The following CLSTN2 variants were observed in gnomAD, a reference collection of about 807,000 sequenced individuals.
CLSTN2 encodes the protein calsyntenin-2.
Under a neutral mutation model 101.2 loss-of-function variants are expected in CLSTN2, and 48 were observed. That is an observed-to-expected ratio of 0.47 (90% CI 0.38 to 0.60). CLSTN2 has a LOEUF of 0.60. Among genes scored for constraint, CLSTN2 ranks in the 20% least tolerant of loss-of-function variants. The pLI, the probability that CLSTN2 is intolerant of heterozygous loss-of-function variation, is 0.00. For synonymous variants in CLSTN2, 481 were observed against 463.6 expected (o/e 1.04, Z -0.48); for missense variants, 1,160 against 1,238.2 (o/e 0.94, Z 0.95).
intron 2 of CLSTN2, among the ~76,000 whole-genome samples, chr3:140,230,511 G>T (rs2086361264): frequency 1.3e-5 from 2 of 152,138 alleles, no homozygotes; most frequent in African/African-American, 4.8e-5. Context: ...GAGGTAATTA[G>T]GCCATAAGGG....
chr3:139,960,423 C>T (rs1935488093), intron 1 of CLSTN2, among the ~76,000 whole-genome samples: 1 of 152,292 alleles, frequency 6.6e-6, no homozygotes, highest in Non-Finnish European at 1.5e-5. Flanking sequence ...GTGAACTTAT[C>T]AGTCCTTAAT....
At chr3:140,537,620 A>T (rs1300952886) in intron 9 of CLSTN2, among the ~76,000 whole-genome samples, 3 of 152,192 alleles carry the variant, frequency 2.0e-5, no homozygotes, top group Admixed American at 1.3e-4. Context: ...GGCTGAGCTC[A>T]CCCAGTGCTG....
chr3:140,440,156 G>A (rs1368670564), intron 5 of CLSTN2, among the ~76,000 whole-genome samples: 5 of 152,164 alleles, frequency 3.3e-5, no homozygotes, highest in Admixed American at 2.0e-4. Context: ...CACCTGTGAG[G>A]TGGGACCTGG....
At chr3:140,131,070 A>G (rs2009515490) in intron 1 of CLSTN2, among the ~76,000 whole-genome samples, 1 of 152,106 alleles carries the variant, frequency 6.6e-6, no homozygotes. Flanking sequence ...GCCTTCAGAA[A>G]TGAAGAACTT....
chr3:140,416,023 C>A (rs990043883), intron 4 of CLSTN2, among the ~76,000 whole-genome samples: 1 of 152,162 alleles, frequency 6.6e-6, no homozygotes, highest in East Asian at 1.9e-4. Flanking sequence ...TATTACTCAG[C>A]GTTAAAAAAG....
intron 2 of CLSTN2, among the ~76,000 whole-genome samples, chr3:140,198,581 G>T (rs759044013): frequency 6.6e-6 from 1 of 152,206 alleles, no homozygotes; most frequent in Non-Finnish European, 1.5e-5. Flanking sequence ...GCTCCTAAAA[G>T]GTTTTGGAAA....
At chr3:140,417,778 T>G (rs892241077) in intron 4 of CLSTN2, among the ~76,000 whole-genome samples, 2 of 152,174 alleles carry the variant, frequency 1.3e-5, no homozygotes, top group Admixed American at 1.3e-4. Flanking sequence ...TTCAAAAAAT[T>G]TTAAATGTGT....
At chr3:140,345,048 G>A (rs972616748) in intron 2 of CLSTN2, among the ~76,000 whole-genome samples, 2 of 152,094 alleles carry the variant, frequency 1.3e-5, no homozygotes, top group African/African-American at 2.4e-5. Flanking sequence ...AGGGCATGTC[G>A]AGACTAGGAA....
At chr3:140,175,365 T>G (rs987093112) in intron 1 of CLSTN2, among the ~76,000 whole-genome samples, 7 of 152,208 alleles carry the variant, frequency 4.6e-5, no homozygotes, top group Non-Finnish European at 8.8e-5. Context: ...TACACAGTTT[T>G]TAAATGATCA....
Position 140,184,675 on chromosome 3 carries a change from G to A in CLSTN2, c.232+8602G>A, listed in dbSNP as rs147231253. On this transcript the variant is annotated intron_variant, in intron 2 of 16. Transcript: ENST00000458420. ...GAGTGGACTACTAAAGGGCGTGGGG[G>A]GTAGGGTCATCAATGCAATCATTTC... Among the ~76,000 whole-genome samples, 433 of 152,152 alleles carry A rather than the reference G, an allele frequency of 2.8e-3. 1 individual carries two copies. Among genetic ancestry groups the A allele is most frequent in the African/African-American group, 0.01 (417 of 41,506 alleles).
At chr3:140,076,849 G>A (rs1231072604) in intron 1 of CLSTN2, among the ~76,000 whole-genome samples, 1 of 151,982 alleles carries the variant, frequency 6.6e-6, no homozygotes, top group Non-Finnish European at 1.5e-5. Context: ...CATGAAGGGT[G>A]AGAACACCAT....
intron 2 of CLSTN2, among the ~76,000 whole-genome samples, chr3:140,379,134 C>T (rs1307564038): frequency 6.6e-6 from 1 of 152,222 alleles, no homozygotes; most frequent in African/African-American, 2.4e-5. Flanking sequence ...AAAGAGCTCC[C>T]ACATTCTGGA....
intron 2 of CLSTN2, among the ~76,000 whole-genome samples, chr3:140,213,804 G>A (rs2010887984): frequency 6.6e-6 from 1 of 152,118 alleles, no homozygotes; most frequent in Non-Finnish European, 1.5e-5. Context: ...ATTGGCTTCA[G>A]TAAGATTGGG....
intron 1 of CLSTN2, among the ~76,000 whole-genome samples, chr3:140,070,618 T>TA (rs145083606): frequency 0.094 from 14,262 of 152,112 alleles, 985 homozygotes; most frequent in African/African-American, 0.2. Context: ...ATTTGATACT[T>TA]AAAAATGTTA....
At chr3:140,291,099 T>C (rs2107903337) in intron 2 of CLSTN2, among the ~76,000 whole-genome samples, 1 of 152,288 alleles carries the variant, frequency 6.6e-6, no homozygotes. Flanking sequence ...CACCAGAGTA[T>C]TTTTTTCTTT....
chr3:140,366,925 C>T (rs1202521228), intron 2 of CLSTN2, among the ~76,000 whole-genome samples: 1 of 152,144 alleles, frequency 6.6e-6, no homozygotes, highest in Non-Finnish European at 1.5e-5. Flanking sequence ...AGAACTAGCA[C>T]CAAGCAGGGG....
rs375950680 is a variant in CLSTN2, at chr3:140,501,253, A to G, written c.1345-31071A>G. On this transcript the variant is annotated intron_variant, in intron 8 of 16. Transcript: ENST00000458420. ...CGCTTCCTCATTAAGCTAAGGGATA[A>G]AAAAGATTCAGTTCAGATGTTTGCA... 1.8e-3 allele frequency among the ~76,000 whole-genome samples: 275 copies of G among 152,340 alleles called. 1 individual carries two copies. Among genetic ancestry groups the G allele is most frequent in the African/African-American group, 5.6e-3 (231 of 41,580 alleles).
chr3:140,172,677 C>A (rs950688952), intron 1 of CLSTN2, among the ~76,000 whole-genome samples: 2 of 152,188 alleles, frequency 1.3e-5, no homozygotes, highest in Admixed American at 1.3e-4. Context: ...CTTACAGTTC[C>A]ACGTGGCTGG....
chr3:140,289,419 A>G (rs1411506796), intron 2 of CLSTN2, among the ~76,000 whole-genome samples: 1 of 151,788 alleles, frequency 6.6e-6, no homozygotes, highest in Non-Finnish European at 1.5e-5. Flanking sequence ...TTGTATTTTT[A>G]AAATTTGGAG....
Sources: allele counts gnomAD v4.1 joint callset (sites outside exome capture counted in the v4.1 genomes callset), GRCh38; gene constraint gnomAD v4.1.1; transcripts MANE v1.5; gene names NCBI Gene and HGNC (gene_info 2026-07-23, HGNC 2026-07-21).